The following FSTL5 variants were observed in gnomAD, a reference collection of about 807,000 sequenced individuals.
FSTL5 encodes follistatin like 5.
A neutral mutation model predicts 89.1 loss-of-function variants in FSTL5; 62 were observed. The observed-to-expected ratio is 0.70, with a 90% CI of 0.57 to 0.86. The LOEUF is 0.86. FSTL5 is among the 40% of genes least tolerant of loss of function. FSTL5 has a pLI of 0.00. For synonymous variants in FSTL5, 383 were observed against 346.2 expected (o/e 1.11, Z -1.18); for missense variants, 1,057 against 1,001.6 (o/e 1.06, Z -0.75).
intron 4 of FSTL5, among the ~76,000 whole-genome samples, chr4:161,907,381 A>C (rs933078107): frequency 1.3e-5 from 2 of 152,102 alleles, no homozygotes; most frequent in South Asian, 4.1e-4. Flanking sequence ...AAAATATGTA[A>C]ATGTGAAGAT....
Position 161,453,308 on chromosome 4 carries a change from G to A in FSTL5, c.1841+1696C>T, listed in dbSNP as rs548479784. Among the ~76,000 whole-genome samples, 4 of 151,930 alleles carry A rather than the reference G, an allele frequency of 2.6e-5. No homozygotes were observed. The South Asian group carries it at 8.3e-4, about 32-fold the overall frequency. ...ATAGGCAAGTGAGATAAAAACAAAG[G>A]TTACATATCTAATTATTGGTTATTA... On this transcript the variant is annotated intron_variant, in intron 15 of 15. Transcript: ENST00000306100.
intron 13 of FSTL5, 98 bp downstream of exon 13, chr4:161,480,922 A>G: frequency 1.3e-6 from 1 of 769,370 alleles, no homozygotes; most frequent in Non-Finnish European, 2.1e-6. Flanking sequence ...GTAAGGAAAC[A>G]CATTATCAGT....
chr4:162,122,782 A>G (rs992073355), intron 1 of FSTL5, among the ~76,000 whole-genome samples: 1 of 152,172 alleles, frequency 6.6e-6, no homozygotes, highest in African/African-American at 2.4e-5. Context: ...TGTGTGTGGC[A>G]TAAAAGGCCT....
intron 11 of FSTL5, among the ~76,000 whole-genome samples, chr4:161,502,426 G>A (rs1382240665): frequency 2.0e-5 from 3 of 151,834 alleles, no homozygotes; most frequent in Admixed American, 2.0e-4. Flanking sequence ...AGTTACTGAA[G>A]AAATACAGAT....
intron 3 of FSTL5, among the ~76,000 whole-genome samples, chr4:161,991,033 A>C (rs1368912327): frequency 6.6e-6 from 1 of 152,182 alleles, no homozygotes; most frequent in Non-Finnish European, 1.5e-5. Context: ...AATTCTCTAG[A>C]TATGAACCAA....
At chr4:161,442,773 G>A (rs1004827128) in intron 15 of FSTL5, among the ~76,000 whole-genome samples, 1 of 152,034 alleles carries the variant, frequency 6.6e-6, no homozygotes, top group African/African-American at 2.4e-5. Context: ...AACTGTACAA[G>A]AGGATGCAAT....
At chr4:161,627,806 A>G (rs1469441362) in intron 7 of FSTL5, among the ~76,000 whole-genome samples, 1 of 152,160 alleles carries the variant, frequency 6.6e-6, no homozygotes, top group Admixed American at 6.6e-5. Flanking sequence ...ATTTTAGTCT[A>G]TATATTAAAA....
intron 5 of FSTL5, among the ~76,000 whole-genome samples, chr4:161,766,528 G>C (rs1011054409): frequency 6.6e-5 from 10 of 152,140 alleles, no homozygotes; most frequent in African/African-American, 2.4e-4. Flanking sequence ...GCTCTGCACA[G>C]TTTCCAGTTT....
chr4:162,064,098 C>T (rs1388498396), intron 2 of FSTL5, among the ~76,000 whole-genome samples: 1 of 151,902 alleles, frequency 6.6e-6, no homozygotes, highest in Non-Finnish European at 1.5e-5. Context: ...GTATATTCAT[C>T]TACCTTCTCT....
At chr4:161,650,144 A>G (rs1370331143) in intron 7 of FSTL5, among the ~76,000 whole-genome samples, 1 of 152,198 alleles carries the variant, frequency 6.6e-6, no homozygotes, top group Admixed American at 6.5e-5. Context: ...AGATAGATGG[A>G]GAGAAGAAAA....
chr4:161,437,415 A>C (rs1413562188), intron 15 of FSTL5, among the ~76,000 whole-genome samples: 2 of 151,800 alleles, frequency 1.3e-5, no homozygotes, highest in Non-Finnish European at 2.9e-5. Context: ...AAAATACAAA[A>C]AATTCGCCGG....
At chr4:162,094,607 G>A (rs1302642745) in intron 2 of FSTL5, among the ~76,000 whole-genome samples, 2 of 152,080 alleles carry the variant, frequency 1.3e-5, no homozygotes, top group Non-Finnish European at 2.9e-5. Flanking sequence ...AAAAACAACA[G>A]ACATGAAAGA....
intron 6 of FSTL5, among the ~76,000 whole-genome samples, chr4:161,691,265 C>T (rs1030408652): frequency 6.6e-6 from 1 of 151,934 alleles, no homozygotes; most frequent in Non-Finnish European, 1.5e-5. Flanking sequence ...TGTGCCTATC[C>T]AGTTGTCCCA....
intron 15 of FSTL5, among the ~76,000 whole-genome samples, chr4:161,415,399 G>C (rs1210708227): frequency 6.6e-6 from 1 of 151,988 alleles, no homozygotes; most frequent in Non-Finnish European, 1.5e-5. Context: ...TGGGTTACAG[G>C]CACCCACCAT....
intron 4 of FSTL5, among the ~76,000 whole-genome samples, chr4:161,894,670 G>A (rs1282507512): frequency 6.6e-6 from 1 of 152,010 alleles, no homozygotes; most frequent in Non-Finnish European, 1.5e-5. Context: ...GTAGCGATGA[G>A]GGTTCTCCAT....
intron 2 of FSTL5, among the ~76,000 whole-genome samples, chr4:162,095,235 C>T (rs1730704974): frequency 6.6e-6 from 1 of 152,064 alleles, no homozygotes. Flanking sequence ...TGCATAGCAA[C>T]AGTTAATTCT....
At chr4:161,557,315 T>C (rs1229388500) in intron 8 of FSTL5, among the ~76,000 whole-genome samples, 1 of 151,546 alleles carries the variant, frequency 6.6e-6, no homozygotes, top group Non-Finnish European at 1.5e-5. Flanking sequence ...TTCCTCATTT[T>C]TTATTATTAA....
intron 5 of FSTL5, among the ~76,000 whole-genome samples, chr4:161,764,653 T>C (rs1021410972): frequency 6.6e-6 from 1 of 152,124 alleles, no homozygotes; most frequent in Middle Eastern, 3.2e-3. Flanking sequence ...AAAATCAATA[T>C]AGCCAACTTT....
chr4:161,750,460 G>A (rs1320976243), intron 6 of FSTL5, among the ~76,000 whole-genome samples: 1 of 152,112 alleles, frequency 6.6e-6, no homozygotes, highest in Non-Finnish European at 1.5e-5. Context: ...ACGTGTTTAA[G>A]TAAATAAAAT....
Sources: gnomAD v4.1 joint callset for allele counts (sites outside exome capture counted in the v4.1 genomes callset) on GRCh38, gnomAD v4.1.1 for gene constraint, MANE v1.5 for transcripts, NCBI Gene and HGNC (gene_info 2026-07-23, HGNC 2026-07-21) for gene names.